The following ATP6V1H variants were observed in gnomAD, a reference collection of about 807,000 sequenced individuals.
ATP6V1H encodes V-type proton ATPase subunit H.
A neutral mutation model predicts 71.7 loss-of-function variants in ATP6V1H; 39 were observed. That is an observed-to-expected ratio of 0.54 (90% CI 0.42 to 0.71). The LOEUF (loss-of-function observed/expected upper bound fraction) is 0.71. Ranked by LOEUF, ATP6V1H falls within the 30% of genes least tolerant of loss-of-function variation. The pLI, the probability that ATP6V1H is intolerant of heterozygous loss-of-function variation, is 0.00. For synonymous variants in ATP6V1H, 192 were observed against 199.3 expected (o/e 0.96, Z 0.31); for missense variants, 509 against 594.9 (o/e 0.86, Z 1.50).
At chr8:53,755,506 G>A (rs1807978205) in intron 12 of ATP6V1H, among the ~76,000 whole-genome samples, 1 of 142,598 alleles carries the variant, frequency 7.0e-6, no homozygotes, top group African/African-American at 2.6e-5. Flanking sequence ...GGTTACGGGG[G>A]GTGGGGGTGG....
intron 3 of ATP6V1H, chr8:53,832,217 T>C (rs545956937): frequency 6.6e-6 from 1 of 152,336 alleles, no homozygotes; most frequent in African/African-American, 2.4e-5. Context: ...AGTGTATAAG[T>C]TATTTTATGC....
At chr8:53,746,996 C>G (rs1483564848) in intron 12 of ATP6V1H, among the ~76,000 whole-genome samples, 1 of 152,180 alleles carries the variant, frequency 6.6e-6, no homozygotes, top group Non-Finnish European at 1.5e-5. Flanking sequence ...AAGTTCAGCA[C>G]TGGTACATAC....
intron 9 of ATP6V1H, among the ~76,000 whole-genome samples, chr8:53,795,145 C>T (rs761482431): frequency 2.8e-4 from 42 of 152,274 alleles, no homozygotes; most frequent in Admixed American, 1.0e-3. Context: ...TTTCTCTTGT[C>T]CTCAACTTCC....
At chr8:53,727,832 T>C (rs1310691677) in intron 13 of ATP6V1H, among the ~76,000 whole-genome samples, 1 of 152,142 alleles carries the variant, frequency 6.6e-6, no homozygotes, top group Non-Finnish European at 1.5e-5. Flanking sequence ...CCAATCCTGT[T>C]CCTCCATCTA....
rs139872404 is a variant in ATP6V1H, at chr8:53,808,308, G to A, written c.579+2856C>T. Reference sequence around the variant, plus strand: ...CATCAGCACAGCAATCCACTTCCACGCTGTCCTGCCTTCCTCAGAAGAAAA... The same window carrying A: ...CATCAGCACAGCAATCCACTTCCACACTGTCCTGCCTTCCTCAGAAGAAAA... On this transcript the variant is annotated intron_variant, in intron 7 of 13. Transcript: ENST00000359530. Among the ~76,000 whole-genome samples, 334 of 152,262 alleles carry A rather than the reference G, an allele frequency of 2.2e-3. 2 individuals carry two copies. The highest frequency in any genetic ancestry group is 7.7e-3 in the African/African-American group (321 of 41,548).
chr8:53,726,467 T>G (rs1192979477), intron 13 of ATP6V1H, among the ~76,000 whole-genome samples: 1 of 152,166 alleles, frequency 6.6e-6, no homozygotes, highest in Non-Finnish European at 1.5e-5. Flanking sequence ...GACAGAGATT[T>G]CAACAAGGTT....
intron 3 of ATP6V1H, chr8:53,832,642 C>A (rs1423917926): frequency 1.2e-5 from 2 of 162,994 alleles, no homozygotes; most frequent in Non-Finnish European, 1.3e-5. Flanking sequence ...AGTGATATCC[C>A]TTTTAACTTA....
intron 13 of ATP6V1H, among the ~76,000 whole-genome samples, chr8:53,731,175 C>T (rs554660118): frequency 6.6e-6 from 1 of 152,238 alleles, no homozygotes; most frequent in Non-Finnish European, 1.5e-5. Flanking sequence ...ACCCCAGCCA[C>T]ATCTCCACCA....
intron 3 of ATP6V1H, among the ~76,000 whole-genome samples, chr8:53,830,300 T>C (rs538105207): frequency 5.3e-4 from 81 of 152,332 alleles, no homozygotes; most frequent in African/African-American, 1.9e-3. Flanking sequence ...AATTAAAGTG[T>C]ATTTCACTTG....
At chr8:53,788,563 C>T (rs1055375140) in intron 9 of ATP6V1H, among the ~76,000 whole-genome samples, 2 of 152,270 alleles carry the variant, frequency 1.3e-5, no homozygotes, top group East Asian at 3.9e-4. Context: ...TAAATACATA[C>T]TGTATATTTA....
At chr8:53,832,053 A>G (rs1220968480) in intron 3 of ATP6V1H, 2 of 152,220 alleles carry the variant, frequency 1.3e-5, no homozygotes, top group Non-Finnish European at 2.9e-5. Flanking sequence ...GGAACTTTCC[A>G]TAAATGGGAA....
intron 9 of ATP6V1H, among the ~76,000 whole-genome samples, chr8:53,786,805 G>A (rs565478656): frequency 2.6e-5 from 4 of 152,312 alleles, no homozygotes; most frequent in East Asian, 1.9e-4. Flanking sequence ...ACATTTCTAA[G>A]AACAAGGTGG....
In ATP6V1H at chr8:53,715,857, A is replaced by G. The variant is rs1448072675; in HGVS notation, c.*107T>C. On this transcript the variant is annotated 3_prime_UTR_variant, in exon 14 of 14. Coordinates refer to ENST00000359530, the MANE Select transcript of ATP6V1H (RefSeq NM_015941.4). ...AATTAGCATTGGGAAAAGCTATATA[A>G]CAGAGGAAATTCCAAGTAAAATCAA... The G allele has an allele frequency of 1.1e-6, 1 of 919,754 alleles. No individual in the cohort carries two copies. The highest frequency in any genetic ancestry group is 2.7e-5 in the East Asian group (1 of 36,986). 57.0% of individuals were successfully genotyped at this position (919,754 alleles called of 1,614,324 possible).
intron 4 of ATP6V1H, among the ~76,000 whole-genome samples, chr8:53,819,450 T>C (rs1563481223): frequency 6.8e-6 from 1 of 147,334 alleles, no homozygotes. Flanking sequence ...GAGAATCGCT[T>C]GAACCTGGTG....
Position 53,817,421 on chromosome 8 carries a change from T to C in ATP6V1H, c.416A>G (p.His139Arg), listed in dbSNP as rs141493839. ...MLNRQDPFTV[H>R]MAARIIAKLA... Reference sequence around the variant, plus strand: ...TCCAATCAATTCAAAATTTACCATATGAACAGTGAAGGGATCCTGGCGATT... The same window carrying C: ...TCCAATCAATTCAAAATTTACCATACGAACAGTGAAGGGATCCTGGCGATT... Residue 139 changes from histidine (H) to arginine (R), a missense_variant, in exon 5 of 14, where the codon CAT becomes CGT. His to Arg is a conservative substitution (Grantham distance 29). Around this residue, in one of 2 missense-constraint regions of ATP6V1H, gnomAD observed 297 missense variants for 303.3 expected, o/e 0.98. Transcript: ENST00000359530. The C allele has an allele frequency of 2.5e-6, 4 of 1,604,036 alleles. No individual in the cohort carries two copies. In the African/African-American group the frequency reaches 4.0e-5, roughly 16 times the overall value.
Position 53,817,443 on chromosome 8 carries a change from G to A in ATP6V1H, c.394C>T (p.Arg132Cys), listed in dbSNP as rs774963761. The A allele has an allele frequency of 3.1e-6, 5 of 1,612,550 alleles. No individual in the cohort carries two copies. Among genetic ancestry groups the A allele is most frequent in the East Asian group, 2.2e-5 (1 of 44,864 alleles). The change falls in exon 5 of 14, where the codon CGC becomes TGC. Residue 132 changes from arginine to cysteine, a missense_variant. By Grantham distance (180) the Arg-to-Cys change is radical. Coordinates refer to ENST00000359530, the MANE Select transcript of ATP6V1H (RefSeq NM_015941.4). ...AWPYFLPMLN[R>C]QDPFTVHMAA... ...ATATGAACAGTGAAGGGATCCTGGC[G>A]ATTCAACATTGGCAGAAAGTAGGGC... is the stretch of plus-strand genomic sequence containing the variant.
At position 53,796,628 on chromosome 8, in the gene ATP6V1H, T is replaced by C. The variant is rs150080771; in HGVS notation, c.678-789A>G. 2.3e-3 allele frequency among the ~76,000 whole-genome samples: 344 copies of C among 152,168 alleles called. 2 individuals are homozygous for C. The highest frequency in any genetic ancestry group is 7.9e-3 in the African/African-American group (328 of 41,520). On this transcript the variant is annotated intron_variant, in intron 8 of 13. Coordinates refer to ENST00000359530, the MANE Select transcript of ATP6V1H (RefSeq NM_015941.4). ...AAAGGGGTTAAGAGCTCGAAGACCATAGAATGTACAACACAAAGAGTGAGC... is the reference window on the plus strand; with the variant it reads ...AAAGGGGTTAAGAGCTCGAAGACCACAGAATGTACAACACAAAGAGTGAGC...
intron 4 of ATP6V1H, among the ~76,000 whole-genome samples, chr8:53,819,799 A>G (rs1810589642): frequency 6.8e-6 from 1 of 146,812 alleles, no homozygotes; most frequent in African/African-American, 2.5e-5. Flanking sequence ...CTTTGTATAC[A>G]AAGTATATGT....
chr8:53,771,845 T>A, intron 10 of ATP6V1H, 144 bp downstream of exon 10: 1 of 672,646 alleles, frequency 1.5e-6, no homozygotes, highest in Non-Finnish European at 2.5e-6. Flanking sequence ...GTCAGAATGA[T>A]GTCTTCTCAG....
Sources: gnomAD v4.1 joint callset for allele counts (sites outside exome capture counted in the v4.1 genomes callset) on GRCh38, gnomAD v4.1.1 for gene constraint, gnomAD v4.1.1 regional missense constraint, MANE v1.5 for transcripts, NCBI Gene and HGNC (gene_info 2026-07-23, HGNC 2026-07-21) for gene names.